Variants in PCDHGB1 observed in about 807,000 individuals in gnomAD.
PCDHGB1 encodes the protein protocadherin gamma subfamily B, 1, also known as protocadherin gamma-B1.
In PCDHGB1, 34 loss-of-function variants were observed where a neutral mutation model predicts 56.6. That is an observed-to-expected ratio of 0.60 (90% CI 0.46 to 0.80). The LOEUF is 0.80. Among genes scored for constraint, PCDHGB1 ranks in the 30% least tolerant of loss-of-function variants. The pLI is 0.00. For synonymous variants in PCDHGB1, 561 were observed against 505.9 expected (o/e 1.11, Z -1.46); for missense variants, 1,278 against 1,204.6 (o/e 1.06, Z -0.90).
chr5:141,413,166 C>A (rs758193163), intron 1 of PCDHGB1: 3 of 1,590,396 alleles, frequency 1.9e-6, no homozygotes, highest in South Asian at 2.3e-5. Flanking sequence ...AATTCTGTAA[C>A]CAGACTACAA....
chr5:141,375,863 G>A, intron 1 of PCDHGB1: 3 of 1,613,986 alleles, frequency 1.9e-6, no homozygotes, highest in East Asian at 2.2e-5. Context: ...GGTGGTGGCG[G>A]TGGACAGAGA....
chr5:141,500,491 G>A (rs1595677531), intron 2 of PCDHGB1, among the ~76,000 whole-genome samples: 1 of 152,156 alleles, frequency 6.6e-6, no homozygotes, highest in East Asian at 1.9e-4. Context: ...TTACAGGCGT[G>A]AGCCACCGCG....
intron 1 of PCDHGB1, chr5:141,427,957 C>G (rs770633827): frequency 1.3e-5 from 20 of 1,588,284 alleles, no homozygotes; most frequent in African/African-American, 2.7e-5. Flanking sequence ...GACAATGTGC[C>G]GCGGGTGCTG....
chr5:141,432,615 T>G lies in PCDHGB1; in HGVS notation c.2410-62192T>G. ...GCCAGCGAGCCGGGACTCTTCTCGG[T>G]GGGTCTGCACACGGGCGAGGTGCGC... On this transcript the variant is annotated intron_variant, in intron 1 of 3. Coordinates refer to ENST00000523390, the MANE Select transcript of PCDHGB1 (RefSeq NM_018922.3). The surrounding 1 kb of genome is among the most constrained non-coding windows in gnomAD (Gnocchi z 6.0). The G allele has an allele frequency of 2.5e-6, 4 of 1,613,820 alleles. No homozygotes were observed. The highest frequency in any genetic ancestry group is 1.1e-5 in the South Asian group (1 of 91,054).
At chr5:141,474,115 G>A (rs1404490690) in intron 1 of PCDHGB1, among the ~76,000 whole-genome samples, 2 of 152,062 alleles carry the variant, frequency 1.3e-5, no homozygotes, top group South Asian at 2.1e-4. Context: ...CAACAACAAC[G>A]AAAATCTCAG....
At position 141,490,475 on chromosome 5, in the gene PCDHGB1, T is replaced by C. The variant is rs769951029; in HGVS notation, c.2410-4332T>C. On this transcript the variant is annotated intron_variant, in intron 1 of 3. Coordinates refer to ENST00000523390, the MANE Select transcript of PCDHGB1 (RefSeq NM_018922.3). This position sits in a 1 kb window ranked among gnomAD's most constrained non-coding sequence, Gnocchi z 5.4. ...TACTCGCTGCTAACCAGCCAGCCTTTGGACCGGGAGGCCACATCCCACTAT... is the reference window on the plus strand; with the variant it reads ...TACTCGCTGCTAACCAGCCAGCCTTCGGACCGGGAGGCCACATCCCACTAT... The C allele has an allele frequency of 3.7e-6, 6 of 1,614,240 alleles. No individual in the cohort carries two copies. The highest frequency in any genetic ancestry group is 5.1e-6 in the Non-Finnish European group (6 of 1,180,038).
chr5:141,351,461 G>T lies in PCDHGB1; in HGVS notation c.1201G>T (p.Val401Leu). 1 of 1,613,570 alleles carries T rather than the reference G, an allele frequency of 6.2e-7. No homozygotes were observed. Among genetic ancestry groups the T allele is most frequent in the South Asian group, 1.1e-5 (1 of 91,044 alleles). ...CACCTCGAAGAATTATTACAAGCTG[G>T]TGATTGCTGGAGCCCTAAACCGGGA... ...ESTSKNYYKL[V>L]IAGALNREQT... Residue 401 changes from valine to leucine, a missense_variant, in exon 1 of 4, where the codon GTG (valine) becomes TTG (leucine). Val to Leu is a conservative substitution (Grantham distance 32). Coordinates refer to ENST00000523390, the MANE Select transcript of PCDHGB1 (RefSeq NM_018922.3).
chr5:141,360,506 A>C (rs771253042), intron 1 of PCDHGB1: 2 of 1,614,016 alleles, frequency 1.2e-6, no homozygotes, highest in South Asian at 1.1e-5. Flanking sequence ...GTAATTGTGC[A>C]GGATATAAAT....
At position 141,351,066 on chromosome 5, in the gene PCDHGB1, G is replaced by A. The variant is rs930490756; in HGVS notation, c.806G>A (p.Gly269Asp). ...GTGATGGCCACAGACCAGGATGAGGGCATTAATGCAGAGATCACCTATGCC... is the reference window on the plus strand; with the variant it reads ...GTGATGGCCACAGACCAGGATGAGGACATTAATGCAGAGATCACCTATGCC... ...LRVMATDQDE[G>D]INAEITYAFL... The change falls in exon 1 of 4, where the codon GGC becomes GAC. Residue 269 changes from glycine to aspartate, a missense_variant. Coordinates refer to ENST00000523390, the MANE Select transcript of PCDHGB1 (RefSeq NM_018922.3). 1 of 1,614,050 alleles carries A rather than the reference G, an allele frequency of 6.2e-7. No individual in the cohort carries two copies. Among genetic ancestry groups the A allele is most frequent in the Non-Finnish European group, 8.5e-7 (1 of 1,179,888 alleles).
At chr5:141,421,120 G>T (rs747126094) in intron 1 of PCDHGB1, 4 of 779,870 alleles carry the variant, frequency 5.1e-6, no homozygotes, top group Non-Finnish European at 7.9e-6. Flanking sequence ...ATTTTCCTTC[G>T]CTTTCTGATA....
chr5:141,371,009 G>A, intron 1 of PCDHGB1: 1 of 1,614,004 alleles, frequency 6.2e-7, no homozygotes, highest in East Asian at 2.2e-5. Context: ...GGGAAGAGCA[G>A]CCACATCACC....
chr5:141,461,423 C>T lies in PCDHGB1; in HGVS notation c.2410-33384C>T, dbSNP rs1005977255. 3.9e-5 allele frequency among the ~76,000 whole-genome samples: 6 copies of T among 151,938 alleles called. No individual in the cohort carries two copies. In the South Asian group the frequency reaches 6.2e-4, roughly 16 times the overall value. On this transcript the variant is annotated intron_variant, in intron 1 of 3. Coordinates refer to ENST00000523390, the MANE Select transcript of PCDHGB1 (RefSeq NM_018922.3). ...AGCATTTTTTCATATGTTTGTGGGC[C>T]ATTTGTATACCTTCTTTTGAGAAAT... is the stretch of plus-strand genomic sequence containing the variant.
chr5:141,353,718 G>T (rs1759367007), intron 1 of PCDHGB1, among the ~76,000 whole-genome samples: 1 of 152,128 alleles, frequency 6.6e-6, no homozygotes, highest in Non-Finnish European at 1.5e-5. Context: ...CTTTAGTGTA[G>T]ATTTCTGAGG....
chr5:141,395,136 T>A, intron 1 of PCDHGB1: 1 of 1,614,202 alleles, frequency 6.2e-7, no homozygotes, highest in Non-Finnish European at 8.5e-7. Context: ...CCAGCCCAAC[T>A]ACGCAGACAT....
chr5:141,501,447 A>G (rs1483189279), intron 2 of PCDHGB1, among the ~76,000 whole-genome samples: 1 of 151,816 alleles, frequency 6.6e-6, no homozygotes, highest in Middle Eastern at 3.2e-3. Flanking sequence ...TTCCATTTTT[A>G]CTTTTCACTA....
intron 1 of PCDHGB1, chr5:141,430,966 A>G: frequency 1.2e-6 from 2 of 1,612,916 alleles, no homozygotes. Context: ...TCATCCCCAG[A>G]GGTAGGACGC....
intron 1 of PCDHGB1, among the ~76,000 whole-genome samples, chr5:141,453,288 ATTATTTAT>A (rs577328880): frequency 6.6e-6 from 1 of 151,342 alleles, no homozygotes; most frequent in Non-Finnish European, 1.5e-5. Context: ...TAATTTTTTA[ATTATTTAT>A]TTATTTATTT....
At chr5:141,500,453 C>G (rs1403599390) in intron 2 of PCDHGB1, among the ~76,000 whole-genome samples, 1 of 152,246 alleles carries the variant, frequency 6.6e-6, no homozygotes, top group African/African-American at 2.4e-5. Flanking sequence ...TCGTGATCCG[C>G]CCGCCTCGGC....
At chr5:141,419,151 C>T (rs2096335413) in intron 1 of PCDHGB1, 2 of 1,613,800 alleles carry the variant, frequency 1.2e-6, no homozygotes, top group African/African-American at 2.7e-5. Context: ...GGCAAGCCTC[C>T]GTTATCCTCC....
Sources: allele counts gnomAD v4.1 joint callset (sites outside exome capture counted in the v4.1 genomes callset), GRCh38; gene constraint gnomAD v4.1.1; non-coding constraint Gnocchi (gnomAD v3.1); transcripts MANE v1.5; gene names NCBI Gene and HGNC (gene_info 2026-07-23, HGNC 2026-07-21).